KDM6A: variants seen among roughly 807,000 people sequenced by gnomAD.
KDM6A encodes the protein lysine-specific demethylase 6A.
In KDM6A, 11 loss-of-function variants were observed where a neutral mutation model predicts 117.6. That is an observed-to-expected ratio of 0.09 (90% CI 0.06 to 0.15). The LOEUF (loss-of-function observed/expected upper bound fraction) is 0.15. Among genes scored for constraint, KDM6A ranks in the 10% least tolerant of loss-of-function variants. KDM6A has a pLI of 1.00. For synonymous variants in KDM6A, 384 were observed against 396.1 expected (o/e 0.97, Z 0.36); for missense variants, 799 against 1,077.3 (o/e 0.74, Z 3.62).
intron 6 of KDM6A, among the ~76,000 whole-genome samples, chrX:45,031,755 A>G (rs2042609960): frequency 8.9e-6 from 1 of 112,172 alleles, no homozygotes; most frequent in African/African-American, 3.2e-5. Context: ...ATATACAGCT[A>G]GAAATAAAAC....
At chrX:44,973,623 G>C (rs1035072495) in intron 3 of KDM6A, among the ~76,000 whole-genome samples, 8 of 110,815 alleles carry the variant, frequency 7.2e-5, no homozygotes, top group Non-Finnish European at 1.3e-4. Flanking sequence ...AAACTACCAA[G>C]TCATAGCCTT....
intron 4 of KDM6A, among the ~76,000 whole-genome samples, chrX:44,989,579 C>T (rs990893488): frequency 1.8e-5 from 2 of 111,734 alleles, no homozygotes; most frequent in African/African-American, 3.3e-5. Flanking sequence ...GGAGGAAACA[C>T]GTAAACATAA....
chrX:44,935,629 C>T (rs775962371), intron 2 of KDM6A, among the ~76,000 whole-genome samples: 13 of 111,005 alleles, frequency 1.2e-4, no homozygotes, highest in African/African-American at 3.3e-4. Context: ...CCAAACAGTA[C>T]GAAGCTAAAA....
intron 2 of KDM6A, among the ~76,000 whole-genome samples, chrX:44,935,629 C>A (rs775962371): frequency 2.7e-5 from 3 of 111,051 alleles, no homozygotes; most frequent in Non-Finnish European, 5.7e-5. Context: ...CCAAACAGTA[C>A]GAAGCTAAAA....
rs181083704 is a variant in KDM6A at position 45,069,735 on chromosome X, G to T, written c.2236G>T (p.Ala746Ser). 8.3e-7 allele frequency: 1 copy of T among 1,207,401 alleles called. No homozygotes were observed. Among genetic ancestry groups the T allele is most frequent in the Non-Finnish European group, 1.1e-6 (1 of 894,286 alleles). Reference protein sequence around the residue: ...TLPSNSVTQGAALNHLSSHTA... With the variant: ...TLPSNSVTQGSALNHLSSHTA... ...GCCTAGCAATTCAGTAACACAGGGG[G>T]CTGCTCTCAATCACCTCTCCTCTCA... Residue 746 changes from alanine to serine, a missense_variant, in exon 18 of 30, where the codon GCT becomes TCT. Transcript: ENST00000611820.
chrX:45,021,594 A>C (rs779643381), intron 6 of KDM6A, among the ~76,000 whole-genome samples: 1 of 111,930 alleles, frequency 8.9e-6, no homozygotes, highest in Admixed American at 9.5e-5. Context: ...GAAGGTTAAA[A>C]ATAAAAAAAA....
intron 8 of KDM6A, among the ~76,000 whole-genome samples, chrX:45,050,666 G>A (rs1423095376): frequency 9.0e-6 from 1 of 111,414 alleles, no homozygotes; most frequent in African/African-American, 3.3e-5. Context: ...GTTCTGCCAA[G>A]TATGTTTTAC....
At chrX:44,876,315 G>A (rs769257903) in intron 2 of KDM6A, among the ~76,000 whole-genome samples, 17 of 111,762 alleles carry the variant, frequency 1.5e-4, no homozygotes, top group Middle Eastern at 4.7e-3. Context: ...ATATAACTTC[G>A]CACCCTCTGT....
intron 2 of KDM6A, among the ~76,000 whole-genome samples, chrX:44,909,614 A>G (rs892414093): frequency 8.9e-5 from 10 of 112,056 alleles, no homozygotes; most frequent in Non-Finnish European, 1.5e-4. Context: ...ACCGTAGAGT[A>G]TTAGTCATCT....
chrX:44,943,648 T>A (rs2037463741), intron 2 of KDM6A, among the ~76,000 whole-genome samples: 1 of 112,489 alleles, frequency 8.9e-6, no homozygotes, highest in Admixed American at 9.4e-5. Context: ...CTAAATAGTA[T>A]TCCATTGTAT....
At chrX:45,033,063 T>G (rs1041779139) in intron 6 of KDM6A, among the ~76,000 whole-genome samples, 4 of 112,079 alleles carry the variant, frequency 3.6e-5, no homozygotes, top group Admixed American at 1.9e-4. Flanking sequence ...CATTTCAGTT[T>G]GTACCCTTTG....
At chrX:44,891,535 T>G (rs772096164) in intron 2 of KDM6A, among the ~76,000 whole-genome samples, 1 of 112,237 alleles carries the variant, frequency 8.9e-6, no homozygotes, top group African/African-American at 3.2e-5. Context: ...TTACTGTCAT[T>G]GTATAGTAGG....
Position 45,045,475 on chromosome X carries a change from A to G in KDM6A, c.655-6234A>G, listed in dbSNP as rs900868277. Among the ~76,000 whole-genome samples the G allele has an allele frequency of 2.8e-5, 3 of 107,826 alleles. No homozygotes were observed. The Admixed American group carries it at 3.0e-4, about 11-fold the overall frequency. 93.6% of individuals were successfully genotyped at this position (107,826 alleles called of 115,157 possible). A position where few individuals can be genotyped will look rare whatever the true frequency, so the allele number is the denominator to read the frequency against. The stretch of plus-strand genomic sequence containing the variant: ...GTGGCAGGTGCCTGTAGTCCCAGCT[A>G]CTCGGGAGACTGAGGCAGGAGAATC... On this transcript the variant is annotated intron_variant, in intron 8 of 29. Coordinates refer to ENST00000611820, the MANE Select transcript of KDM6A (RefSeq NM_001291415.2).
chrX:44,924,420 A>G (rs2036176387), intron 2 of KDM6A, among the ~76,000 whole-genome samples: 1 of 112,226 alleles, frequency 8.9e-6, no homozygotes, highest in African/African-American at 3.3e-5. Flanking sequence ...TCACTTGGAA[A>G]TAGTTTGATG....
intron 8 of KDM6A, among the ~76,000 whole-genome samples, chrX:45,047,674 CTTTTTTTTTTTTTTTTTT>C (rs78749806): frequency 2.8e-5 from 1 of 36,334 alleles, no homozygotes; most frequent in Non-Finnish European, 5.1e-5. Context: ...CTTTTTTTTT[CTTTTTTTTTTTTTTTTTT>C]TTTTTTTTTT....
At chrX:44,890,844 G>C (rs1396042916) in intron 2 of KDM6A, among the ~76,000 whole-genome samples, 4 of 108,072 alleles carry the variant, frequency 3.7e-5, no homozygotes, top group Non-Finnish European at 5.7e-5. Flanking sequence ...TAGTAGAGAG[G>C]AGGTTTCACC....
intron 2 of KDM6A, among the ~76,000 whole-genome samples, chrX:44,943,608 G>A (rs1471113759): frequency 2.7e-5 from 3 of 112,183 alleles, no homozygotes; most frequent in Non-Finnish European, 5.6e-5. Flanking sequence ...TGACCCATGT[G>A]TTACGTCAGT....
intron 6 of KDM6A, among the ~76,000 whole-genome samples, chrX:45,027,079 C>T (rs1293589846): frequency 9.1e-6 from 1 of 109,740 alleles, no homozygotes; most frequent in East Asian, 2.8e-4. Context: ...GAGGCTGAGG[C>T]GGGTGGATCA....
At chrX:44,908,402 C>T (rs2034864748) in intron 2 of KDM6A, among the ~76,000 whole-genome samples, 1 of 111,320 alleles carries the variant, frequency 9.0e-6, no homozygotes, top group Non-Finnish European at 1.9e-5. Context: ...TGTTTGGGGC[C>T]TCAGTTGTGA....
Sources: gnomAD v4.1 joint callset for allele counts (sites outside exome capture counted in the v4.1 genomes callset) on GRCh38, gnomAD v4.1.1 for gene constraint, MANE v1.5 for transcripts, NCBI Gene and HGNC (gene_info 2026-07-23, HGNC 2026-07-21) for gene names.